Variants in AFF3 observed in about 807,000 individuals in gnomAD.
AFF3 encodes ALF transcription elongation factor 3, also known as AF4/FMR2 family member 3.
A neutral mutation model predicts 129.7 loss-of-function variants in AFF3; 32 were observed. The observed-to-expected ratio is 0.25, with a 90% CI of 0.19 to 0.33. AFF3 has a LOEUF of 0.33. Among genes scored for constraint, AFF3 ranks in the 10% least tolerant of loss-of-function variants. The pLI, the probability that AFF3 is intolerant of heterozygous loss-of-function variation, is 1.00. For missense variants in AFF3, 1,373 were observed against 1,592.0 expected (o/e 0.86, Z 2.34); for synonymous variants, 644 against 635.4 (o/e 1.01, Z -0.20).
At chr2:99,903,650 T>TAG (rs1694509429) in intron 7 of AFF3, among the ~76,000 whole-genome samples, 1 of 152,180 alleles carries the variant, frequency 6.6e-6, no homozygotes, top group Non-Finnish European at 1.5e-5. Context: ...TTTTAAAAAC[T>TAG]AGATGGTGAA....
intron 8 of AFF3, among the ~76,000 whole-genome samples, chr2:99,784,410 C>T (rs971292641): frequency 2.6e-5 from 4 of 152,102 alleles, no homozygotes; most frequent in East Asian, 1.9e-4. Flanking sequence ...ACGGTAGTCT[C>T]GCAAAGGGAA....
intron 7 of AFF3, among the ~76,000 whole-genome samples, chr2:99,883,444 C>T (rs1440719308): frequency 2.6e-5 from 4 of 152,150 alleles, no homozygotes; most frequent in East Asian, 3.9e-4. Context: ...ATAAAATACA[C>T]GCTTCATTAG....
chr2:100,120,640 G>A (rs1233150411), intron 2 of AFF3, among the ~76,000 whole-genome samples: 2 of 152,080 alleles, frequency 1.3e-5, no homozygotes, highest in East Asian at 3.9e-4. Flanking sequence ...TTATGAGATT[G>A]AAGAGTCCCT....
At chr2:99,888,303 AACTT>A (rs1472036185) in intron 7 of AFF3, among the ~76,000 whole-genome samples, 2 of 152,248 alleles carry the variant, frequency 1.3e-5, no homozygotes, top group Non-Finnish European at 2.9e-5. Flanking sequence ...ATCGAGGACA[AACTT>A]ACAACTTCAA....
At chr2:99,641,413 C>T (rs963923547) in intron 13 of AFF3, among the ~76,000 whole-genome samples, 2 of 152,116 alleles carry the variant, frequency 1.3e-5, no homozygotes, top group African/African-American at 4.8e-5. Flanking sequence ...TGTGGTGGCT[C>T]ACGCCTGTAA....
intron 4 of AFF3, among the ~76,000 whole-genome samples, chr2:100,036,067 A>G (rs2104999565): frequency 6.9e-6 from 1 of 144,852 alleles, no homozygotes; most frequent in South Asian, 2.3e-4. Context: ...CAACTCACTG[A>G]GAGAGAAAAT....
chr2:100,041,752 T>C (rs767188730), intron 4 of AFF3, among the ~76,000 whole-genome samples: 10 of 152,182 alleles, frequency 6.6e-5, no homozygotes, highest in Admixed American at 6.5e-4. Context: ...GTTAGAAACA[T>C]AGGGAGATAT....
chr2:99,589,397 A>ATTTT lies in AFF3; in HGVS notation c.2467-2123_2467-2120dup, dbSNP rs55888825. Among the ~76,000 whole-genome samples, 699 of 103,334 alleles carry ATTTT rather than the reference A, an allele frequency of 6.8e-3. 22 individuals are homozygous for ATTTT. Among genetic ancestry groups the ATTTT allele is most frequent in the Non-Finnish European group, 8.5e-3 (456 of 53,802 alleles). The allele number at this position is 103,334 out of a possible 152,430, so 67.8% of individuals were successfully genotyped here. A position where few individuals can be genotyped will look rare whatever the true frequency, so the allele number is the denominator to read the frequency against. On this transcript the variant is annotated intron_variant, in intron 15 of 24. Coordinates refer to ENST00000672756, the MANE Select transcript of AFF3 (RefSeq NM_001386135.1). Reference sequence around the variant, plus strand: ...ACAACACCCCTGCAAAGATGTCAACATTTTTTTTTTTTTTTTTTTTTTTGA... The same window carrying ATTTT: ...ACAACACCCCTGCAAAGATGTCAACATTTTTTTTTTTTTTTTTTTTTTTTTTTGA...
intron 12 of AFF3, among the ~76,000 whole-genome samples, chr2:99,661,166 T>A (rs953860526): frequency 6.6e-6 from 1 of 152,188 alleles, no homozygotes; most frequent in African/African-American, 2.4e-5. Context: ...ATTGAAGTCA[T>A]GGGACAAAGG....
intron 7 of AFF3, among the ~76,000 whole-genome samples, chr2:99,995,444 C>A (rs1680752380): frequency 6.6e-6 from 1 of 151,846 alleles, no homozygotes; most frequent in Non-Finnish European, 1.5e-5. Context: ...GCGATCTCAG[C>A]TCACTGCAAG....
At chr2:99,634,706 T>C (rs1269710960) in intron 13 of AFF3, among the ~76,000 whole-genome samples, 1 of 152,154 alleles carries the variant, frequency 6.6e-6, no homozygotes, top group Non-Finnish European at 1.5e-5. Context: ...CTTCATTATA[T>C]GTCTAAACAC....
chr2:99,746,924 T>C (rs577826703), intron 9 of AFF3, among the ~76,000 whole-genome samples: 1 of 151,362 alleles, frequency 6.6e-6, no homozygotes, highest in Non-Finnish European at 1.5e-5. Context: ...GAATGGTAAT[T>C]GACATAGTTT....
chr2:99,578,590 G>T lies in AFF3; in HGVS notation c.2794-139C>A. 10 of 1,329,004 alleles carry T rather than the reference G, an allele frequency of 7.5e-6. No homozygotes were observed. In the South Asian group the frequency reaches 1.4e-4, roughly 18 times the overall value. The allele number at this position is 1,329,004 out of a possible 1,614,324, so 82.3% of individuals were successfully genotyped here. A position where few individuals can be genotyped will look rare whatever the true frequency, so the allele number is the denominator to read the frequency against. Reference sequence around the variant, plus strand: ...CTGTATTAGAATTGATGGTGATTTTGTCTCAATAAAGAAATACATGCATTC... The same window carrying T: ...CTGTATTAGAATTGATGGTGATTTTTTCTCAATAAAGAAATACATGCATTC... On this transcript the variant is annotated intron_variant, in intron 17 of 24. Coordinates refer to ENST00000672756, the MANE Select transcript of AFF3 (RefSeq NM_001386135.1).
At chr2:100,107,214 T>C (rs1415523506) in intron 2 of AFF3, 1 of 985,274 alleles carries the variant, frequency 1.0e-6, no homozygotes, top group African/African-American at 1.7e-5. Context: ...TACTAAGCTG[T>C]CATGGAGATA....
At chr2:99,750,440 C>T (rs1354128702) in intron 9 of AFF3, among the ~76,000 whole-genome samples, 2 of 134,306 alleles carry the variant, frequency 1.5e-5, no homozygotes, top group African/African-American at 2.9e-5. Flanking sequence ...TTTGAGACAG[C>T]GTCGTGCTCT....
chr2:99,811,143 GTAATTATTTA>G (rs1465909452), intron 8 of AFF3, among the ~76,000 whole-genome samples: 3 of 152,198 alleles, frequency 2.0e-5, no homozygotes, highest in African/African-American at 7.2e-5. Flanking sequence ...GTGTCTGGCT[GTAATTATTTA>G]TCTATTGAGA....
intron 7 of AFF3, among the ~76,000 whole-genome samples, chr2:99,959,684 AAT>A (rs1263913867): frequency 1.4e-5 from 2 of 140,184 alleles, no homozygotes; most frequent in Non-Finnish European, 3.0e-5. Context: ...CATTTTAAAA[AAT>A]AGTGTATAGC....
chr2:100,079,885 C>T (rs1166637739), intron 4 of AFF3, among the ~76,000 whole-genome samples: 1 of 152,140 alleles, frequency 6.6e-6, no homozygotes, highest in Admixed American at 6.5e-5. Context: ...GCCTCCTTGA[C>T]GTCTGATGTT....
intron 11 of AFF3, chr2:99,707,444 T>C (rs1216573826): frequency 1.0e-6 from 1 of 985,318 alleles, no homozygotes; most frequent in Admixed American, 6.1e-5. Flanking sequence ...GATAATTTTT[T>C]TGCATTTCAG....
Sources: allele counts gnomAD v4.1 joint callset (sites outside exome capture counted in the v4.1 genomes callset), GRCh38; gene constraint gnomAD v4.1.1; transcripts MANE v1.5; gene names NCBI Gene and HGNC (gene_info 2026-07-23, HGNC 2026-07-21).